FGD4: variants seen among roughly 807,000 people sequenced by gnomAD.
FGD4 encodes the protein FYVE, RhoGEF and PH domain containing 4, also known as FYVE, RhoGEF and PH domain-containing protein 4.
FGD4 carries 42 observed loss-of-function variants against 102.0 expected under a neutral mutation model. That is an observed-to-expected ratio of 0.41 (90% CI 0.32 to 0.53). The LOEUF (loss-of-function observed/expected upper bound fraction) is 0.53. FGD4 is among the 20% of genes least tolerant of loss of function. The probability of loss-of-function intolerance (pLI) is 0.21; values close to 1 mark genes in which losing one functional copy is unlikely to be tolerated. For missense variants in FGD4, 902 were observed against 1,078.2 expected, an observed-to-expected ratio of 0.84 and a Z score of 2.29; for synonymous variants, 380 against 375.7, an observed-to-expected ratio of 1.01 and a Z score of -0.13.
At chr12:32,534,248 G>C (rs1033916744) in intron 1 of FGD4, 20 of 1,243,864 alleles carry the variant, frequency 1.6e-5, no homozygotes, top group Non-Finnish European at 2.0e-5. Flanking sequence ...GCAGCAGTCC[G>C]TCCTCTGGGG....
chr12:32,490,217 A>G (rs1944041234), intron 1 of FGD4, among the ~76,000 whole-genome samples: 1 of 152,092 alleles, frequency 6.6e-6, no homozygotes, highest in South Asian at 2.1e-4. Context: ...CAACTTTGTA[A>G]TTCTACAGTT....
At position 32,602,189 on chromosome 12, in the gene FGD4, C is replaced by G; in HGVS notation, c.1276C>G (p.Leu426Val). Residue 426 changes from leucine (L) to valine (V), a missense_variant, in exon 7 of 17, where the codon CTT becomes GTT. Leu to Val is a conservative substitution (Grantham distance 32). Transcript: ENST00000534526. ...WETTPRIGDILQKLAPFLKMY... is the reference protein window; with the variant it reads ...WETTPRIGDIVQKLAPFLKMY... The stretch of plus-strand genomic sequence containing the variant: ...AACTACTCCTAGAATTGGAGACATC[C>G]TTCAGAAATTGGCACCATTCCTTAA... 1 of 1,614,060 alleles carries G rather than the reference C, an allele frequency of 6.2e-7. No homozygotes were observed. The highest frequency in any genetic ancestry group is 8.5e-7 in the Non-Finnish European group (1 of 1,180,002).
At chr12:32,432,327 T>A (rs1182831453) in intron 1 of FGD4, among the ~76,000 whole-genome samples, 1 of 141,120 alleles carries the variant, frequency 7.1e-6, no homozygotes, top group Non-Finnish European at 1.6e-5. Context: ...CCCAAAGGGC[T>A]GGGATTACAG....
intron 14 of FGD4, among the ~76,000 whole-genome samples, chr12:32,633,140 A>T (rs907688488): frequency 6.6e-6 from 1 of 151,734 alleles, no homozygotes; most frequent in Non-Finnish European, 1.5e-5. Flanking sequence ...GATGACTCCT[A>T]TGTGTCTGAC....
chr12:32,399,973 G>C lies in FGD4; in HGVS notation c.166+14G>C. 5 of 1,449,054 alleles carry C rather than the reference G, an allele frequency of 3.5e-6. No homozygotes were observed. In the South Asian group the frequency reaches 4.1e-5, roughly 12 times the overall value. 89.8% of individuals were successfully genotyped at this position (1,449,054 alleles called of 1,614,324 possible). On this transcript the variant is annotated intron_variant, in intron 1 of 16. Transcript: ENST00000534526. ...CAGGAGCCACAGGTAAGCGCCTCGG[G>C]GCGCGGGGGAAGGGTGGCCCCGGCG...
intron 1 of FGD4, among the ~76,000 whole-genome samples, chr12:32,447,453 TAACCTTTAACCTTTCCAGAGTTA>T (rs1942650836): frequency 6.6e-6 from 1 of 152,212 alleles, no homozygotes; most frequent in Non-Finnish European, 1.5e-5. Context: ...CTTATTCTTT[TAACCTTTAACCTTTCCAGAGTTA>T]AAATTTACTG....
intron 1 of FGD4, among the ~76,000 whole-genome samples, chr12:32,416,558 T>C (rs1941422529): frequency 6.6e-6 from 1 of 152,168 alleles, no homozygotes; most frequent in Admixed American, 6.6e-5. Context: ...CAATTAGTAT[T>C]CGGTTTGCAA....
chr12:32,507,667 C>T (rs1592046063), intron 1 of FGD4, among the ~76,000 whole-genome samples: 1 of 152,176 alleles, frequency 6.6e-6, no homozygotes, highest in South Asian at 2.1e-4. Flanking sequence ...TTAAGAGCAG[C>T]AGTTTTAAAG....
rs374749878 is a variant in FGD4, at chr12:32,600,584, C to T, written c.1102-694C>T. The T allele has an allele frequency of 1.5e-3, 410 of 269,334 alleles. 1 individual carries two copies. Among genetic ancestry groups the T allele is most frequent in the African/African-American group, 8.4e-3 (210 of 24,892 alleles). The allele number at this position is 269,334 out of a possible 1,614,324, so 16.7% of individuals were successfully genotyped here. ...GTTTTTTGTTTTTCTTTCTTTCTTT[C>T]TTTCTTTCTTTTTTTTTTTTTTGTC... On this transcript the variant is annotated intron_variant, in intron 5 of 16. Coordinates refer to ENST00000534526, the MANE Select transcript of FGD4 (RefSeq NM_001370298.3).
chr12:32,621,235 G>A (rs1297205434), intron 11 of FGD4, among the ~76,000 whole-genome samples: 4 of 151,986 alleles, frequency 2.6e-5, no homozygotes, highest in Non-Finnish European at 4.4e-5. Context: ...AATTAGCCAG[G>A]CATGATCCTG....
At position 32,428,860 on chromosome 12, in the gene FGD4, A is replaced by T. The variant is rs2651378; in HGVS notation, c.166+28901A>T. On this transcript the variant is annotated intron_variant, in intron 1 of 16. Transcript: ENST00000534526. Reference sequence around the variant, plus strand: ...ATGCTTCACAAAGTTCTCATGCTGTATTTTTCACCTCCATCAGGTCATTTA... The same window carrying T: ...ATGCTTCACAAAGTTCTCATGCTGTTTTTTTCACCTCCATCAGGTCATTTA... 2.0e-5 allele frequency among the ~76,000 whole-genome samples: 3 copies of T among 152,054 alleles called. No homozygotes were observed. In the South Asian group the frequency reaches 6.2e-4, roughly 32 times the overall value.
At chr12:32,464,438 C>T (rs911098040) in intron 1 of FGD4, among the ~76,000 whole-genome samples, 5 of 152,150 alleles carry the variant, frequency 3.3e-5, no homozygotes, top group Non-Finnish European at 5.9e-5. Context: ...CAGACGTGAG[C>T]CATTGCGCCC....
At chr12:32,501,096 G>A (rs950367114) in intron 1 of FGD4, among the ~76,000 whole-genome samples, 9 of 152,188 alleles carry the variant, frequency 5.9e-5, no homozygotes, top group Non-Finnish European at 1.0e-4. Context: ...AGTCAGCCCA[G>A]GCTGAAATAC....
rs1027422954 is a variant in FGD4 at position 32,564,358 on chromosome 12, G to C, written c.319+69G>C. ...ATCAATGAAGGCTAACCAGAAAAAT[G>C]ATGGCCACAAAGAAAGTGTTTTAAG... On this transcript the variant is annotated intron_variant, in intron 2 of 16. Transcript: ENST00000534526. The C allele has an allele frequency of 6.0e-6, 9 of 1,488,538 alleles. No individual in the cohort carries two copies. The African/African-American group carries it at 8.4e-5, about 14-fold the overall frequency. The allele number at this position is 1,488,538 out of a possible 1,614,324, so 92.2% of individuals were successfully genotyped here.
At chr12:32,602,085 A>G (rs1230892721) in intron 6 of FGD4, 76 bp from the exon 7 acceptor site, 2 of 1,353,722 alleles carry the variant, frequency 1.5e-6, no homozygotes, top group African/African-American at 1.4e-5. Flanking sequence ...ACTGCACTAC[A>G]GTCTGGGTGA....
chr12:32,409,173 A>G (rs1941088053), intron 1 of FGD4, among the ~76,000 whole-genome samples: 1 of 151,944 alleles, frequency 6.6e-6, no homozygotes. Context: ...AGTTCTTATC[A>G]GTTTTCCTTC....
At chr12:32,606,431 C>T (rs767489207) in intron 7 of FGD4, among the ~76,000 whole-genome samples, 4 of 151,728 alleles carry the variant, frequency 2.6e-5, no homozygotes, top group Non-Finnish European at 4.4e-5. Flanking sequence ...CCCATATTAC[C>T]ATTACTTTAC....
chr12:32,606,895 C>A (rs1404165360), intron 7 of FGD4, among the ~76,000 whole-genome samples: 1 of 152,124 alleles, frequency 6.6e-6, no homozygotes, highest in African/African-American at 2.4e-5. Flanking sequence ...AAAAAGAATG[C>A]TTTGAACTGA....
intron 2 of FGD4, among the ~76,000 whole-genome samples, chr12:32,564,836 G>T (rs1295614678): frequency 2.0e-5 from 3 of 152,210 alleles, no homozygotes; most frequent in Non-Finnish European, 4.4e-5. Context: ...TAGGAAGCTT[G>T]AATGATTTTT....
Sources: gnomAD v4.1 joint callset for allele counts (sites outside exome capture counted in the v4.1 genomes callset) on GRCh38, gnomAD v4.1.1 for gene constraint, MANE v1.5 for transcripts, NCBI Gene and HGNC (gene_info 2026-07-23, HGNC 2026-07-21) for gene names.